FBXL17: variants seen among roughly 807,000 people sequenced by gnomAD.
FBXL17 encodes F-box/LRR-repeat protein 17.
A neutral mutation model predicts 66.2 loss-of-function variants in FBXL17; 22 were observed. The ratio of observed to expected loss-of-function variants is 0.33; its 90% CI spans 0.24 to 0.47. The LOEUF is 0.47. Ranked by LOEUF, FBXL17 falls within the 20% of genes least tolerant of loss-of-function variation. The pLI is 1.00. For missense variants in FBXL17, 878 were observed against 948.2 expected (o/e 0.93, Z 0.97); for synonymous variants, 474 against 400.5 (o/e 1.18, Z -2.19).
intron 4 of FBXL17, among the ~76,000 whole-genome samples, chr5:108,258,736 C>CT (rs1756683287): frequency 8.5e-5 from 11 of 130,108 alleles, no homozygotes; most frequent in African/African-American, 2.9e-4. Context: ...TGGCCTTTAA[C>CT]ATTTTTTTTT....
chr5:108,369,494 T>C (rs1457665680), intron 1 of FBXL17, among the ~76,000 whole-genome samples: 1 of 152,200 alleles, frequency 6.6e-6, no homozygotes, highest in Non-Finnish European at 1.5e-5. Context: ...TTACAGAGTT[T>C]GACTGCTTTC....
At position 107,966,768 on chromosome 5, in the gene FBXL17, TCAC is replaced by T. The variant is rs373598439; in HGVS notation, c.1822+54154_1822+54156del. On this transcript the variant is annotated intron_variant, in intron 7 of 8. Transcript: ENST00000542267. ...TTACACTTACCTTATTGTACAACTA[TCAC>T]CACATCTAGTTCCCAAATTCCCCAT... 2.4e-4 allele frequency among the ~76,000 whole-genome samples: 36 copies of T among 152,300 alleles called. No homozygotes were observed. The South Asian group carries it at 7.0e-3, about 30-fold the overall frequency.
chr5:108,303,924 C>T (rs1194268798), intron 4 of FBXL17, among the ~76,000 whole-genome samples: 1 of 151,954 alleles, frequency 6.6e-6, no homozygotes, highest in Non-Finnish European at 1.5e-5. Context: ...CAAAATCTCT[C>T]TGGCATCTCA....
chr5:108,210,266 T>C (rs1300199262), intron 5 of FBXL17, among the ~76,000 whole-genome samples: 4 of 152,198 alleles, frequency 2.6e-5, no homozygotes. Context: ...AACCAGCTCC[T>C]GGATTCATTG....
intron 7 of FBXL17, among the ~76,000 whole-genome samples, chr5:107,961,425 G>A (rs1169617826): frequency 1.3e-5 from 2 of 151,768 alleles, no homozygotes; most frequent in African/African-American, 2.4e-5. Flanking sequence ...ACAGGGTTTC[G>A]CCATGTTGCC....
At chr5:107,885,395 C>T (rs185717186) in intron 7 of FBXL17, among the ~76,000 whole-genome samples, 1 of 152,088 alleles carries the variant, frequency 6.6e-6, no homozygotes. Context: ...CAAGAAATTC[C>T]ATTTCTAGGA....
At chr5:108,063,835 T>C (rs1748013955) in intron 6 of FBXL17, among the ~76,000 whole-genome samples, 1 of 152,094 alleles carries the variant, frequency 6.6e-6, no homozygotes, top group Admixed American at 6.5e-5. Context: ...TTTTCTTGGA[T>C]GAAAAAAACA....
At chr5:107,989,552 G>A (rs1463751402) in intron 7 of FBXL17, among the ~76,000 whole-genome samples, 1 of 152,114 alleles carries the variant, frequency 6.6e-6, no homozygotes, top group Non-Finnish European at 1.5e-5. Flanking sequence ...ATGGACACAG[G>A]TTAATTCCAT....
At chr5:107,880,092 A>C (rs1200018576) in intron 8 of FBXL17, 2 of 235,034 alleles carry the variant, frequency 8.5e-6, no homozygotes, top group Non-Finnish European at 1.4e-5. Context: ...TTTGGGACAC[A>C]GTCGTGCTCC....
intron 6 of FBXL17, among the ~76,000 whole-genome samples, chr5:108,147,391 G>A (rs1363559152): frequency 6.6e-6 from 1 of 152,118 alleles, no homozygotes; most frequent in Non-Finnish European, 1.5e-5. Flanking sequence ...CATCAAAAGT[G>A]TAAAACATGG....
chr5:108,314,672 T>C (rs1759276183), intron 4 of FBXL17, among the ~76,000 whole-genome samples: 1 of 151,490 alleles, frequency 6.6e-6, no homozygotes, highest in Admixed American at 6.6e-5. Flanking sequence ...AATCAAAGTG[T>C]CTGAAATTAC....
rs1749893889 is a variant in FBXL17 at position 108,381,307 on chromosome 5, C to A, written c.385G>T (p.Ala129Ser). 4.3e-6 allele frequency: 6 copies of A among 1,392,752 alleles called. No individual in the cohort carries two copies. Among genetic ancestry groups the A allele is most frequent in the Non-Finnish European group, 5.6e-6 (6 of 1,077,854 alleles). 86.3% of individuals were successfully genotyped at this position (1,392,752 alleles called of 1,614,324 possible). Residue 129 changes from alanine (A) to serine (S), a missense_variant, in exon 1 of 9, where the codon GCC becomes TCC. By Grantham distance (99) the Ala-to-Ser change is moderately conservative. Transcript: ENST00000542267. ...FLLSSAAAAA[A>S]AAASASSPAS... ...GGCGACGAAGCCGAGGCGGCAGCGGCGGCGGCGGCGGCGGCCGAGGATAGC... is the reference window on the plus strand; with the variant it reads ...GGCGACGAAGCCGAGGCGGCAGCGGAGGCGGCGGCGGCGGCCGAGGATAGC...
At chr5:108,217,411 T>C (rs1442372708) in intron 5 of FBXL17, among the ~76,000 whole-genome samples, 2 of 152,138 alleles carry the variant, frequency 1.3e-5, no homozygotes, top group Non-Finnish European at 2.9e-5. Context: ...TGTAGTTTTC[T>C]CAACCCTCTG....
chr5:108,342,321 C>G (rs1746941602), intron 4 of FBXL17, among the ~76,000 whole-genome samples: 1 of 152,064 alleles, frequency 6.6e-6, no homozygotes, highest in African/African-American at 2.4e-5. Context: ...TATTCATATT[C>G]AAATAGGATT....
intron 4 of FBXL17, chr5:108,299,874 G>C (rs1758509112): frequency 3.0e-5 from 29 of 972,434 alleles, no homozygotes; most frequent in Non-Finnish European, 3.5e-5. Flanking sequence ...AAAATCATTA[G>C]ATATTTCTTC....
intron 3 of FBXL17, among the ~76,000 whole-genome samples, chr5:108,350,506 C>T (rs1747575301): frequency 6.6e-6 from 1 of 152,166 alleles, no homozygotes; most frequent in African/African-American, 2.4e-5. Context: ...GGCTTATCCA[C>T]TTGTCCAGCA....
At chr5:108,343,683 C>G (rs1042252557) in intron 4 of FBXL17, among the ~76,000 whole-genome samples, 3 of 152,094 alleles carry the variant, frequency 2.0e-5, no homozygotes, top group Non-Finnish European at 4.4e-5. Flanking sequence ...AAATGTTTAT[C>G]TTATATACTA....
At chr5:108,048,030 G>A (rs1023249772) in intron 6 of FBXL17, among the ~76,000 whole-genome samples, 2 of 152,184 alleles carry the variant, frequency 1.3e-5, no homozygotes, top group East Asian at 1.9e-4. Flanking sequence ...CCCTAGAAAA[G>A]AGCGATCCTA....
chr5:107,933,851 A>G (rs1041180078), intron 7 of FBXL17, among the ~76,000 whole-genome samples: 2 of 152,202 alleles, frequency 1.3e-5, no homozygotes, highest in South Asian at 4.1e-4. Context: ...AAAAACATAG[A>G]TAGGGATTGG....
Sources: allele counts gnomAD v4.1 joint callset (sites outside exome capture counted in the v4.1 genomes callset), GRCh38; gene constraint gnomAD v4.1.1; transcripts MANE v1.5; gene names NCBI Gene and HGNC (gene_info 2026-07-23, HGNC 2026-07-21).